ITPR1: variants seen among roughly 807,000 people sequenced by gnomAD.
The protein encoded by ITPR1 is inositol 1,4,5-trisphosphate receptor type 1, also known as inositol 1,4,5-trisphosphate-gated calcium channel ITPR1.
ITPR1 carries 96 observed loss-of-function variants against 318.4 expected under a neutral mutation model. That is an observed-to-expected ratio of 0.30 (90% CI 0.26 to 0.36). The LOEUF (loss-of-function observed/expected upper bound fraction) is 0.36. Among genes scored for constraint, ITPR1 ranks in the 10% least tolerant of loss-of-function variants. The probability of loss-of-function intolerance (pLI) is 1.00; values close to 1 mark genes in which losing one functional copy is unlikely to be tolerated. For missense variants in ITPR1, 2,440 were observed against 3,460.2 expected (o/e 0.71, Z 7.40); for synonymous variants, 1,312 against 1,289.9 (o/e 1.02, Z -0.37).
rs571848052 is a variant in ITPR1, at chr3:4,806,007, G to A, written c.7108-96G>A. 297 of 1,079,650 alleles carry A rather than the reference G, an allele frequency of 2.8e-4. 4 individuals are homozygous for A. The South Asian group carries it at 4.7e-3, about 17-fold the overall frequency. The allele number at this position is 1,079,650 out of a possible 1,614,324, so 66.9% of individuals were successfully genotyped here. On this transcript the variant is annotated intron_variant, in intron 54 of 61. Transcript: ENST00000649015. ...GAAAAGGAAGCGTTTGTTTGGGCACGGTGACTGAAATACATTTGTGTGAGA... is the reference window on the plus strand; with the variant it reads ...GAAAAGGAAGCGTTTGTTTGGGCACAGTGACTGAAATACATTTGTGTGAGA...
intron 4 of ITPR1, among the ~76,000 whole-genome samples, chr3:4,536,143 C>T (rs2083851780): frequency 6.6e-6 from 1 of 152,198 alleles, no homozygotes; most frequent in African/African-American, 2.4e-5. Context: ...GCCCTGGAGG[C>T]TGCAGAGGTG....
chr3:4,584,487 G>GGAGGA (rs1388821863), intron 4 of ITPR1, among the ~76,000 whole-genome samples: 1 of 152,006 alleles, frequency 6.6e-6, no homozygotes, highest in Admixed American at 6.6e-5. Flanking sequence ...GGGGAAGCGG[G>GGAGGA]GAGGAGAGGA....
chr3:4,700,948 A>T (rs893701052), intron 35 of ITPR1, among the ~76,000 whole-genome samples: 1 of 152,156 alleles, frequency 6.6e-6, no homozygotes, highest in Non-Finnish European at 1.5e-5. Flanking sequence ...TGAGAACAGC[A>T]TGGGAAAGAC....
chr3:4,552,863 T>A (rs934167738), intron 4 of ITPR1, among the ~76,000 whole-genome samples: 2 of 152,190 alleles, frequency 1.3e-5, no homozygotes, highest in African/African-American at 4.8e-5. Context: ...GACATCACTT[T>A]GGCATTTCTG....
chr3:4,703,089 A>T, intron 36 of ITPR1, 139 bp downstream of exon 36: 1 of 931,838 alleles, frequency 1.1e-6, no homozygotes. Context: ...CCCGGAACCA[A>T]GGTCTTCTTG....
intron 6 of ITPR1, 105 bp from the exon 7 acceptor site, chr3:4,641,988 A>C (rs895134795): frequency 3.5e-6 from 3 of 861,662 alleles, no homozygotes; most frequent in Non-Finnish European, 5.0e-6. Flanking sequence ...CCAGCAGCTC[A>C]ATGGTGGGAG....
At chr3:4,775,702 C>CA (rs1401309813) in intron 47 of ITPR1, among the ~76,000 whole-genome samples, 3 of 152,100 alleles carry the variant, frequency 2.0e-5, no homozygotes, top group Admixed American at 6.5e-5. Context: ...TTTGAATGTC[C>CA]AACTATTTAA....
intron 52 of ITPR1, among the ~76,000 whole-genome samples, chr3:4,789,531 A>G (rs546735111): frequency 6.6e-6 from 1 of 152,238 alleles, no homozygotes; most frequent in Admixed American, 6.5e-5. Flanking sequence ...GAGAAAACTT[A>G]TCTGTTGCTT....
Position 4,691,188 on chromosome 3 carries a change from C to G in ITPR1, c.3873C>G (p.Phe1291Leu), listed in dbSNP as rs567943387. ...TGCAGCACATCTTCATGAACAATTT[C>G]CAGCTTTGCAGTGAGATCAACGAGA... is the stretch of plus-strand genomic sequence containing the variant. ...VTMQHIFMNN[F>L]QLCSEINERV... is the part of the protein sequence containing the mutation. The change falls in exon 32 of 62, where the codon TTC (phenylalanine) becomes TTG (leucine). Residue 1291 changes from phenylalanine to leucine, a missense_variant. Physicochemically the swap from Phe to Leu is conservative, Grantham distance 22. Around this residue, in one of 23 missense-constraint regions of ITPR1, gnomAD observed 222 missense variants for 318.8 expected, o/e 0.70. Transcript: ENST00000649015. The G allele has an allele frequency of 1.3e-5, 21 of 1,613,012 alleles. No individual in the cohort carries two copies. The East Asian group carries it at 4.5e-4, about 34-fold the overall frequency.
intron 44 of ITPR1, among the ~76,000 whole-genome samples, chr3:4,757,892 T>C (rs2045131912): frequency 6.6e-6 from 1 of 152,104 alleles, no homozygotes; most frequent in African/African-American, 2.4e-5. Flanking sequence ...GCCACTGGCG[T>C]TGCTCTGTCA....
At chr3:4,668,898 C>G (rs1263717493) in intron 18 of ITPR1, among the ~76,000 whole-genome samples, 2 of 152,190 alleles carry the variant, frequency 1.3e-5, no homozygotes, top group Non-Finnish European at 2.9e-5. Flanking sequence ...TTGATTGTAT[C>G]TCATTCACAC....
chr3:4,523,148 G>A (rs778779168), intron 4 of ITPR1, among the ~76,000 whole-genome samples: 3 of 152,156 alleles, frequency 2.0e-5, no homozygotes, highest in African/African-American at 7.2e-5. Context: ...CAAGGGGAGG[G>A]ATATGCGTCC....
chr3:4,725,548 T>C lies in ITPR1; in HGVS notation c.5139T>C (p.Leu1713=), dbSNP rs1172225462. ...ISIDELDNAE[L]PPAPDSENAT... ...TACTTCGTTTTACTCCCAATTAGCT[T>C]CCTCCAGCTCCGGATTCTGAGAACG... Residue 1713 remains leucine (L), a splice_region_variant and synonymous_variant, in exon 41 of 62, where the codon CTT becomes CTC. Coordinates refer to ENST00000649015, the MANE Select transcript of ITPR1 (RefSeq NM_001378452.1). The C allele has an allele frequency of 6.3e-7, 1 of 1,598,966 alleles. No individual in the cohort carries two copies. Among genetic ancestry groups the C allele is most frequent in the East Asian group, 2.2e-5 (1 of 44,880 alleles).
chr3:4,625,714 G>A (rs796545359), intron 4 of ITPR1, among the ~76,000 whole-genome samples: 118 of 152,052 alleles, frequency 7.8e-4, no homozygotes, highest in African/African-American at 2.7e-3. Context: ...CCGCCACCAC[G>A]CCCGGCTAAT....
chr3:4,805,325 A>G (rs2119802), intron 54 of ITPR1, among the ~76,000 whole-genome samples: 108,778 of 151,934 alleles, frequency 0.72, 40,493 homozygotes, highest in East Asian at 0.94. Flanking sequence ...GTTCAAGGTC[A>G]GTGGGAAAGA....
rs561255225 is a variant in ITPR1 at position 4,507,672 on chromosome 3, A to G, written c.-16-8804A>G. Among the ~76,000 whole-genome samples, 21 of 152,316 alleles carry G rather than the reference A, an allele frequency of 1.4e-4. 1 individual carries two copies. Among genetic ancestry groups the G allele is most frequent in the African/African-American group, 4.3e-4 (18 of 41,582 alleles). On this transcript the variant is annotated intron_variant, in intron 2 of 61. Coordinates refer to ENST00000649015, the MANE Select transcript of ITPR1 (RefSeq NM_001378452.1). ...ATGGGTCATTAAAAAATTATAAAGC[A>G]TAGGTTCCTCTCTGTGTCTGAGAAT...
intron 4 of ITPR1, among the ~76,000 whole-genome samples, chr3:4,543,945 A>G (rs534965239): frequency 6.6e-6 from 1 of 152,268 alleles, no homozygotes; most frequent in East Asian, 1.9e-4. Context: ...TGTTCTTGTC[A>G]CTTCATGGTT....
intron 42 of ITPR1, among the ~76,000 whole-genome samples, chr3:4,727,784 C>T (rs185732345): frequency 1.3e-5 from 2 of 152,294 alleles, no homozygotes; most frequent in South Asian, 2.1e-4. Flanking sequence ...CTATGTTTCC[C>T]AGGCGGGTCT....
At chr3:4,706,833 A>G (rs1298530525) in intron 37 of ITPR1, among the ~76,000 whole-genome samples, 1 of 152,224 alleles carries the variant, frequency 6.6e-6, no homozygotes, top group East Asian at 1.9e-4. Context: ...CTACCAAGAC[A>G]TCTGCTCTCC....
Sources: gnomAD v4.1 joint callset for allele counts (sites outside exome capture counted in the v4.1 genomes callset) on GRCh38, gnomAD v4.1.1 for gene constraint, gnomAD v4.1.1 regional missense constraint, MANE v1.5 for transcripts, NCBI Gene and HGNC (gene_info 2026-07-23, HGNC 2026-07-21) for gene names.